The following SP1 variants were observed in gnomAD, a reference collection of about 807,000 sequenced individuals.
SP1 encodes the protein transcription factor Sp1.
A neutral mutation model predicts 66.3 loss-of-function variants in SP1; 6 were observed. That is an observed-to-expected ratio of 0.09 (90% CI 0.05 to 0.18). SP1 has a LOEUF of 0.18. Ranked by LOEUF, SP1 falls within the 10% of genes least tolerant of loss-of-function variation. SP1 has a pLI of 1.00. For synonymous variants in SP1, 417 were observed against 360.8 expected (o/e 1.16, Z -1.77); for missense variants, 848 against 964.5 (o/e 0.88, Z 1.60).
At chr12:53,387,660 A>G (rs1454063045) in intron 3 of SP1, among the ~76,000 whole-genome samples, 1 of 152,138 alleles carries the variant, frequency 6.6e-6, no homozygotes, top group African/African-American at 2.4e-5. Flanking sequence ...AACCTGTTTT[A>G]ACTAGGGACT....
intron 3 of SP1, among the ~76,000 whole-genome samples, chr12:53,391,883 C>T (rs757895586): frequency 1.3e-5 from 2 of 151,854 alleles, no homozygotes; most frequent in Middle Eastern, 6.3e-3. Flanking sequence ...TATTCACTTA[C>T]GATAATGGCT....
Position 53,415,508 on chromosome 12 carries a change from AAG to A in SP1, c.*4271_*4272del, listed in dbSNP as rs1404496291. On this transcript the variant is annotated 3_prime_UTR_variant, in exon 6 of 6. Coordinates refer to ENST00000327443, the MANE Select transcript of SP1 (RefSeq NM_138473.3). The stretch of plus-strand genomic sequence containing the variant: ...GATTTTCTCCACAGTGTTCATTTGA[AAG>A]AGGAGTATTTTGTCCCATTTTCCCC... 2.6e-5 allele frequency: 4 copies of A among 152,350 alleles called. No homozygotes were observed. Among genetic ancestry groups the A allele is most frequent in the Non-Finnish European group, 5.9e-5 (4 of 68,016 alleles). The allele number at this position is 152,350 out of a possible 1,614,324, so 9.4% of individuals were successfully genotyped here. A position where few individuals can be genotyped will look rare whatever the true frequency, so the allele number is the denominator to read the frequency against.
chr12:53,404,730 T>C (rs1938692433), intron 3 of SP1, among the ~76,000 whole-genome samples: 1 of 151,352 alleles, frequency 6.6e-6, no homozygotes. Flanking sequence ...TGCAGTGATG[T>C]GATCATAGCT....
Position 53,382,623 on chromosome 12 carries a change from G to A in SP1, c.676G>A (p.Ala226Thr), listed in dbSNP as rs1184069002. 6.2e-7 allele frequency: 1 copy of A among 1,614,176 alleles called. No individual in the cohort carries two copies. The highest frequency in any genetic ancestry group is 8.5e-7 in the Non-Finnish European group (1 of 1,180,036). Residue 226 changes from alanine to threonine, a missense_variant, in exon 3 of 6, where the codon GCT becomes ACT. Ala to Thr is a moderately conservative substitution (Grantham distance 58). Coordinates refer to ENST00000327443, the MANE Select transcript of SP1 (RefSeq NM_138473.3). ...TCGAGGAAGTGGAGGCAACATCATT[G>A]CTGCTATGCCAAACCTACTCCAGCA... ...TNRGSGGNII[A>T]AMPNLLQQAV... is the part of the protein sequence containing the mutation.
chr12:53,410,906 A>G, intron 5 of SP1, 21 bp from the exon 6 acceptor site: 1 of 1,588,506 alleles, frequency 6.3e-7, no homozygotes, highest in Non-Finnish European at 8.6e-7. Flanking sequence ...TCAGCTTCTT[A>G]TCTTTTCTTC....
Position 53,382,730 on chromosome 12 carries a change from T to C in SP1, c.783T>C (p.Asn261=). The change falls in exon 3 of 6, where the codon AAT becomes AAC. Residue 261 remains asparagine (N), a synonymous_variant. Coordinates refer to ENST00000327443, the MANE Select transcript of SP1 (RefSeq NM_138473.3). ...TGACCAATGTACCAGTGGCCCTGAA[T>C]GGGAACATCACCTTGCTACCTGTCA... ...QYVTNVPVAL[N]GNITLLPVNS... is the part of the protein sequence containing the mutation. 1 of 1,614,152 alleles carries C rather than the reference T, an allele frequency of 6.2e-7. No individual in the cohort carries two copies. The highest frequency in any genetic ancestry group is 8.5e-7 in the Non-Finnish European group (1 of 1,180,032).
Position 53,411,315 on chromosome 12 carries a change from A to C in SP1, c.*75A>C. On this transcript the variant is annotated 3_prime_UTR_variant, in exon 6 of 6. Coordinates refer to ENST00000327443, the MANE Select transcript of SP1 (RefSeq NM_138473.3). ...GGATGCAAGGTAGCATGGGTCCAAG[A>C]GACATGGAAGAGAGAGCCATGAAGC... The C allele has an allele frequency of 8.4e-7, 1 of 1,191,196 alleles. No individual in the cohort carries two copies. Among genetic ancestry groups the C allele is most frequent in the Non-Finnish European group, 1.2e-6 (1 of 835,970 alleles). 73.8% of individuals were successfully genotyped at this position (1,191,196 alleles called of 1,614,324 possible). A position where few individuals can be genotyped will look rare whatever the true frequency, so the allele number is the denominator to read the frequency against.
intron 3 of SP1, among the ~76,000 whole-genome samples, chr12:53,395,764 G>A (rs1938473662): frequency 1.3e-5 from 2 of 150,820 alleles, no homozygotes; most frequent in South Asian, 4.2e-4. Context: ...TCAGGAGATC[G>A]AGACCATCCT....
At chr12:53,394,668 G>A (rs1023716643) in intron 3 of SP1, among the ~76,000 whole-genome samples, 1 of 129,508 alleles carries the variant, frequency 7.7e-6, no homozygotes, top group Non-Finnish European at 1.5e-5. Flanking sequence ...AGGCTGGAGT[G>A]CAGTGGCACG....
chr12:53,416,312 T>G lies in SP1; in HGVS notation c.*5072T>G, dbSNP rs1298812322. The G allele has an allele frequency of 2.6e-5, 4 of 152,068 alleles. No homozygotes were observed. In the East Asian group the frequency reaches 7.8e-4, roughly 29 times the overall value. 9.4% of individuals were successfully genotyped at this position (152,068 alleles called of 1,614,324 possible). The stretch of plus-strand genomic sequence containing the variant: ...GCTCCTTTTGTATCTTCCTTTCTTG[T>G]CTTTCCTCCTACCTTTTGTCTCTTG... On this transcript the variant is annotated 3_prime_UTR_variant, in exon 6 of 6. Coordinates refer to ENST00000327443, the MANE Select transcript of SP1 (RefSeq NM_138473.3).
chr12:53,401,005 A>G (rs936850334), intron 3 of SP1, among the ~76,000 whole-genome samples: 2 of 151,350 alleles, frequency 1.3e-5, no homozygotes, highest in Admixed American at 1.3e-4. Flanking sequence ...CAGGTGATCC[A>G]CCTGTCTCAG....
chr12:53,400,713 G>A (rs917989211), intron 3 of SP1, among the ~76,000 whole-genome samples: 3 of 150,554 alleles, frequency 2.0e-5, no homozygotes, highest in Admixed American at 6.7e-5. Context: ...CTCAGCCTCC[G>A]GAGTAGCTGG....
chr12:53,395,061 C>T, intron 3 of SP1, among the ~76,000 whole-genome samples: 1 of 152,022 alleles, frequency 6.6e-6, no homozygotes, highest in South Asian at 2.1e-4. Flanking sequence ...TATCTTCTGG[C>T]CAAGTGCAGT....
At position 53,382,999 on chromosome 12, in the gene SP1, C is replaced by G; in HGVS notation, c.1052C>G (p.Ser351Cys). 1.2e-6 allele frequency: 2 copies of G among 1,614,192 alleles called. No individual in the cohort carries two copies. Among genetic ancestry groups the G allele is most frequent in the Middle Eastern group, 3.3e-4 (2 of 6,062 alleles). ...FTTSGSSGTN[S>C]QGQTPQRVSG... The stretch of plus-strand genomic sequence containing the variant: ...ACCAGTGGATCATCAGGGACCAACT[C>G]TCAAGGCCAGACACCCCAGAGGGTC... Residue 351 changes from serine (S) to cysteine (C), a missense_variant, in exon 3 of 6, where the codon TCT (serine) becomes TGT (cysteine). Transcript: ENST00000327443.
Position 53,382,680 on chromosome 12 carries a change from G to A in SP1, c.733G>A (p.Val245Ile). 6.2e-7 allele frequency: 1 copy of A among 1,614,120 alleles called. No homozygotes were observed. Among genetic ancestry groups the A allele is most frequent in the South Asian group, 1.1e-5 (1 of 91,078 alleles). ...CCCCCTCCAAGGCCTGGCTAATAAT[G>A]TACTCTCAGGACAGACTCAGTATGT... is the stretch of plus-strand genomic sequence containing the variant. ...AVPLQGLANN[V>I]LSGQTQYVTN... Residue 245 changes from valine (V) to isoleucine (I), a missense_variant, in exon 3 of 6, where the codon GTA (valine) becomes ATA (isoleucine). Coordinates refer to ENST00000327443, the MANE Select transcript of SP1 (RefSeq NM_138473.3).
At chr12:53,392,081 A>G (rs1056043156) in intron 3 of SP1, among the ~76,000 whole-genome samples, 2 of 152,188 alleles carry the variant, frequency 1.3e-5, no homozygotes, top group African/African-American at 2.4e-5. Context: ...AAATTGGGCA[A>G]TATGACTTGT....
chr12:53,399,911 G>A (rs532730845), intron 3 of SP1, among the ~76,000 whole-genome samples: 3 of 152,158 alleles, frequency 2.0e-5, no homozygotes, highest in South Asian at 4.2e-4. Flanking sequence ...GATTACAGGC[G>A]TGAGCCACCG....
At chr12:53,391,315 A>G (rs1186003100) in intron 3 of SP1, among the ~76,000 whole-genome samples, 6 of 150,642 alleles carry the variant, frequency 4.0e-5, no homozygotes. Flanking sequence ...TTCCCTTAGA[A>G]GACTGAGAAC....
chr12:53,381,936 A>G (rs1276863920), intron 2 of SP1, 123 bp downstream of exon 2: 2 of 1,228,782 alleles, frequency 1.6e-6, no homozygotes, highest in Non-Finnish European at 2.3e-6. Flanking sequence ...TAAGGAAGTA[A>G]GAGAATGGAG....
Sources: gnomAD v4.1 joint callset for allele counts (sites outside exome capture counted in the v4.1 genomes callset) on GRCh38, gnomAD v4.1.1 for gene constraint, MANE v1.5 for transcripts, NCBI Gene and HGNC (gene_info 2026-07-23, HGNC 2026-07-21) for gene names.